Variants in ABHD3 observed in about 807,000 individuals in gnomAD.
The protein encoded by ABHD3 is phospholipase ABHD3.
Under a neutral mutation model 48.8 loss-of-function variants are expected in ABHD3, and 46 were observed. The observed-to-expected ratio is 0.94, with a 90% CI of 0.74 to 1.20. ABHD3 has a LOEUF of 1.20. ABHD3 is among the 50% of genes most tolerant of loss of function. ABHD3 has a pLI of 0.00. For missense variants in ABHD3, 490 were observed against 497.8 expected (o/e 0.98, Z 0.15); for synonymous variants, 192 against 183.7 (o/e 1.04, Z -0.36).
chr18:21,653,941 G>T (rs900076065), intron 8 of ABHD3, among the ~76,000 whole-genome samples: 3 of 151,482 alleles, frequency 2.0e-5, no homozygotes, highest in Admixed American at 6.6e-5. Flanking sequence ...TGTCTCCGGG[G>T]TTCAAGCAAT....
intron 5 of ABHD3, among the ~76,000 whole-genome samples, chr18:21,659,868 T>C (rs1204559175): frequency 6.6e-6 from 1 of 152,000 alleles, no homozygotes; most frequent in African/African-American, 2.4e-5. Flanking sequence ...CGGGGTTTCA[T>C]TGTGTTGACC....
intron 5 of ABHD3, 199 bp downstream of exon 5, chr18:21,663,919 A>C (rs1256866557): frequency 2.7e-5 from 39 of 1,430,488 alleles, no homozygotes; most frequent in Non-Finnish European, 3.5e-5. Flanking sequence ...ACCCGTAGTT[A>C]AGAAAAATAT....
In ABHD3 at chr18:21,703,706, G is replaced by C. The variant is rs1427727821; in HGVS notation, c.204C>G (p.Phe68Leu). The C allele has an allele frequency of 4.3e-6, 7 of 1,614,078 alleles. No homozygotes were observed. The highest frequency in any genetic ancestry group is 5.9e-6 in the Non-Finnish European group (7 of 1,180,006). Reference sequence around the variant, plus strand: ...TAACCACGGGACAGTGGTCTTGAAGGAAGCGGCTGAAACTCTCACCCCCGG... The same window carrying C: ...TAACCACGGGACAGTGGTCTTGAAGCAAGCGGCTGAAACTCTCACCCCCGG... ...LVTGGESFSR[F>L]LQDHCPVVTE... is the part of the protein sequence containing the mutation. Residue 68 changes from phenylalanine to leucine, a missense_variant, in exon 2 of 9, where the codon TTC becomes TTG. Transcript: ENST00000289119.
In ABHD3 at chr18:21,700,731, G is replaced by A. The variant is rs149595886; in HGVS notation, c.509+1585C>T. 2.9e-4 allele frequency among the ~76,000 whole-genome samples: 44 copies of A among 150,616 alleles called. 1 individual carries two copies. The East Asian group carries it at 8.6e-3, about 29-fold the overall frequency. On this transcript the variant is annotated intron_variant, in intron 3 of 8. Coordinates refer to ENST00000289119, the MANE Select transcript of ABHD3 (RefSeq NM_138340.5). Reference sequence around the variant, plus strand: ...GTTTTTAAAAGCAGTTCTAAGTCTTGAGAGACAGCTCAGGCCAAATCTAGA... The same window carrying A: ...GTTTTTAAAAGCAGTTCTAAGTCTTAAGAGACAGCTCAGGCCAAATCTAGA...
intron 4 of ABHD3, among the ~76,000 whole-genome samples, chr18:21,679,311 G>T (rs560713401): frequency 9.2e-5 from 14 of 152,150 alleles, no homozygotes; most frequent in African/African-American, 3.4e-4. Flanking sequence ...TCTAATAATC[G>T]ATATTAGCAT....
intron 3 of ABHD3, among the ~76,000 whole-genome samples, chr18:21,689,729 C>T (rs952968605): frequency 1.3e-5 from 2 of 151,582 alleles, no homozygotes; most frequent in African/African-American, 4.8e-5. Context: ...TCTAGTTGAT[C>T]CCTCATCTAT....
At chr18:21,677,917 C>T (rs923324770) in intron 4 of ABHD3, among the ~76,000 whole-genome samples, 1 of 151,710 alleles carries the variant, frequency 6.6e-6, no homozygotes, top group Non-Finnish European at 1.5e-5. Flanking sequence ...CCCGCCTCAG[C>T]CTCCCAAAGT....
At position 21,651,769 on chromosome 18, in the gene ABHD3, G is replaced by A. The variant is rs766011357; in HGVS notation, c.1058-6C>T. 3.3e-6 allele frequency: 5 copies of A among 1,506,972 alleles called. No homozygotes were observed. The highest frequency in any genetic ancestry group is 2.4e-5 in the East Asian group (1 of 41,490). 93.4% of individuals were successfully genotyped at this position (1,506,972 alleles called of 1,614,324 possible). A position where few individuals can be genotyped will look rare whatever the true frequency, so the allele number is the denominator to read the frequency against. ...AGCAGTTTCTATTGGAATAGCTTCA[G>A]ACCAAAAAAAACATGGCAATAAGAG... On this transcript the variant is annotated splice_polypyrimidine_tract_variant and splice_region_variant and intron_variant, in intron 8 of 8. Transcript: ENST00000289119.
chr18:21,679,473 G>C (rs1263074728), intron 4 of ABHD3, among the ~76,000 whole-genome samples: 1 of 152,126 alleles, frequency 6.6e-6, no homozygotes, highest in East Asian at 1.9e-4. Context: ...ATGATCTAAC[G>C]AGTTAATACA....
At chr18:21,678,466 T>G (rs983448188) in intron 4 of ABHD3, among the ~76,000 whole-genome samples, 1 of 152,128 alleles carries the variant, frequency 6.6e-6, no homozygotes, top group Non-Finnish European at 1.5e-5. Context: ...GGATCTATAA[T>G]TTTAGTTATA....
chr18:21,671,139 A>C (rs1222777699), intron 4 of ABHD3, among the ~76,000 whole-genome samples: 1 of 152,174 alleles, frequency 6.6e-6, no homozygotes, highest in Admixed American at 6.6e-5. Context: ...GTGAGTCTCT[A>C]TCACTGTCTT....
At chr18:21,657,511 TG>T (rs1350774749) in intron 6 of ABHD3, among the ~76,000 whole-genome samples, 2 of 151,376 alleles carry the variant, frequency 1.3e-5, no homozygotes, top group Non-Finnish European at 2.9e-5. Context: ...ACCAATTTTG[TG>T]GGTTTTTTTT....
chr18:21,656,047 T>C (rs2039341167), intron 8 of ABHD3, among the ~76,000 whole-genome samples: 2 of 151,744 alleles, frequency 1.3e-5, no homozygotes, highest in African/African-American at 4.8e-5. Flanking sequence ...TCCCAGCTAC[T>C]TGGGAGGCTG....
intron 4 of ABHD3, among the ~76,000 whole-genome samples, chr18:21,674,949 G>C (rs541931441): frequency 7.2e-5 from 11 of 152,132 alleles, no homozygotes; most frequent in South Asian, 6.2e-4. Flanking sequence ...GGGATGGGGT[G>C]GGGGAAGAAC....
chr18:21,703,874 G>C (rs2040573097), intron 1 of ABHD3, 127 bp from the exon 2 acceptor site: 1 of 1,029,390 alleles, frequency 9.7e-7, no homozygotes, highest in Admixed American at 2.6e-5. Context: ...CTGGAGGGCT[G>C]ACGCAAAAAA....
rs769797826 is a variant in ABHD3 at position 21,704,709 on chromosome 18, C to G, written c.-44G>C. Reference sequence around the variant, plus strand: ...GCGGGTCCTGCGGCGGGAGGAGAGCCGGCTGGCGAGCGGGCGAGAGCGGGC... The same window carrying G: ...GCGGGTCCTGCGGCGGGAGGAGAGCGGGCTGGCGAGCGGGCGAGAGCGGGC... On this transcript the variant is annotated 5_prime_UTR_variant, in exon 1 of 9. Transcript: ENST00000289119. The G allele has an allele frequency of 1.2e-5, 15 of 1,274,036 alleles. No individual in the cohort carries two copies. The highest frequency in any genetic ancestry group is 1.4e-5 in the Non-Finnish European group (14 of 1,013,952). 78.9% of individuals were successfully genotyped at this position (1,274,036 alleles called of 1,614,324 possible). A position where few individuals can be genotyped will look rare whatever the true frequency, so the allele number is the denominator to read the frequency against.
chr18:21,669,407 C>G (rs1445999195), intron 4 of ABHD3, among the ~76,000 whole-genome samples: 1 of 152,108 alleles, frequency 6.6e-6, no homozygotes, highest in Non-Finnish European at 1.5e-5. Flanking sequence ...CCCCCAACCC[C>G]AAATGCAGGT....
intron 3 of ABHD3, among the ~76,000 whole-genome samples, chr18:21,687,634 C>A (rs1253759283): frequency 2.0e-5 from 3 of 152,140 alleles, no homozygotes; most frequent in Non-Finnish European, 2.9e-5. Context: ...CATATTTGAA[C>A]TATATAATTT....
At chr18:21,694,569 T>C (rs1444411057) in intron 3 of ABHD3, among the ~76,000 whole-genome samples, 1 of 152,242 alleles carries the variant, frequency 6.6e-6, no homozygotes, top group Non-Finnish European at 1.5e-5. Context: ...GTTTTTTCTC[T>C]AAGTAGGAAA....
Sources: gnomAD v4.1 joint callset for allele counts (sites outside exome capture counted in the v4.1 genomes callset) on GRCh38, gnomAD v4.1.1 for gene constraint, MANE v1.5 for transcripts, NCBI Gene and HGNC (gene_info 2026-07-23, HGNC 2026-07-21) for gene names.